PAX8: variants seen among roughly 807,000 people sequenced by gnomAD.
PAX8 encodes paired box 8, also known as paired box protein Pax-8.
A neutral mutation model predicts 52.4 loss-of-function variants in PAX8; 15 were observed. The ratio of observed to expected loss-of-function variants is 0.29; its 90% CI spans 0.19 to 0.44. The LOEUF (loss-of-function observed/expected upper bound fraction) is 0.44. Among genes scored for constraint, PAX8 ranks in the 20% least tolerant of loss-of-function variants. PAX8 has a pLI of 1.00. For missense variants in PAX8, 554 were observed against 602.5 expected (o/e 0.92, Z 0.84); for synonymous variants, 284 against 249.7 (o/e 1.14, Z -1.29).
intron 2 of PAX8, among the ~76,000 whole-genome samples, chr2:113,256,163 A>G (rs1558738938): frequency 6.6e-6 from 1 of 152,222 alleles, no homozygotes; most frequent in Non-Finnish European, 1.5e-5. Flanking sequence ...ATTTCAACAA[A>G]GGGGCTTTAA....
chr2:113,254,963 T>C (rs946255753), intron 2 of PAX8, among the ~76,000 whole-genome samples: 4 of 151,382 alleles, frequency 2.6e-5, no homozygotes, highest in African/African-American at 9.7e-5. Flanking sequence ...AGCCAGGACA[T>C]AGTCTCAGTA....
rs1291920787 is a variant in PAX8, at chr2:113,242,683, C to T, written c.478+7G>A. ...ATGTGTGTGTATCCAGGTCTCTCAG[C>T]ACTCACTCAGCGTGTGTCCGGGACT... On this transcript the variant is annotated splice_region_variant and intron_variant, in intron 5 of 11. Coordinates refer to ENST00000429538, the MANE Select transcript of PAX8 (RefSeq NM_003466.4). The T allele has an allele frequency of 1.9e-6, 3 of 1,602,850 alleles. No homozygotes were observed. The highest frequency in any genetic ancestry group is 1.7e-5 in the Admixed American group (1 of 59,990).
chr2:113,227,010 A>T, intron 10 of PAX8, 145 bp downstream of exon 10: 1 of 1,530,450 alleles, frequency 6.5e-7, no homozygotes, highest in Non-Finnish European at 8.8e-7. Context: ...AGGCATTTAC[A>T]AGGAGATGCC....
chr2:113,226,901 C>G, intron 10 of PAX8: 2 of 1,385,238 alleles, frequency 1.4e-6, no homozygotes, highest in Non-Finnish European at 1.9e-6. Context: ...CAGCCCCTCC[C>G]TTTTCATCAT....
Position 113,227,164 on chromosome 2 carries a change from T to C in PAX8, c.1180A>G (p.Met394Val). 2 of 1,599,102 alleles carry C rather than the reference T, an allele frequency of 1.3e-6. No individual in the cohort carries two copies. The highest frequency in any genetic ancestry group is 1.1e-5 in the South Asian group (1 of 88,490). ...CCGGCCCTCTCCTTACCTGCCACCA[T>C]GCCTGCGATGGCAGAGGAGGCATAG... ...GSYASSAIAG[M>V]VAGSEYSGNA... Residue 394 changes from methionine (M) to valine (V), a missense_variant, in exon 10 of 12, where the codon ATG (methionine) becomes GTG (valine). Physicochemically the swap from Met to Val is conservative, Grantham distance 21. Coordinates refer to ENST00000429538, the MANE Select transcript of PAX8 (RefSeq NM_003466.4).
At chr2:113,221,700 A>G (rs1419615942) in intron 10 of PAX8, among the ~76,000 whole-genome samples, 1 of 152,236 alleles carries the variant, frequency 6.6e-6, no homozygotes. Flanking sequence ...GGCTTAAATC[A>G]GTCATCCAAC....
chr2:113,218,427 G>A lies in PAX8; in HGVS notation c.*106C>T. 1.6e-6 allele frequency: 1 copy of A among 616,458 alleles called. No individual in the cohort carries two copies. The highest frequency in any genetic ancestry group is 2.8e-6 in the Non-Finnish European group (1 of 358,134). 38.2% of individuals were successfully genotyped at this position (616,458 alleles called of 1,614,324 possible). A position where few individuals can be genotyped will look rare whatever the true frequency, so the allele number is the denominator to read the frequency against. ...GAGTGTGCCGCAATGCTGGACTTGT[G>A]GTTATTTTTCATGTAATAAATAAAG... is the stretch of plus-strand genomic sequence containing the variant. On this transcript the variant is annotated 3_prime_UTR_variant, in exon 12 of 12. Coordinates refer to ENST00000429538, the MANE Select transcript of PAX8 (RefSeq NM_003466.4).
intron 2 of PAX8, among the ~76,000 whole-genome samples, chr2:113,257,050 G>T (rs922556399): frequency 2.0e-5 from 3 of 152,080 alleles, no homozygotes; most frequent in Admixed American, 6.5e-5. Context: ...CCTCTTGGAG[G>T]TTATGGTTTT....
At chr2:113,224,583 G>T (rs1429520281) in intron 10 of PAX8, among the ~76,000 whole-genome samples, 1 of 149,792 alleles carries the variant, frequency 6.7e-6, no homozygotes, top group Non-Finnish European at 1.5e-5. Context: ...TGGATGGAAA[G>T]ATGGAAGGAT....
chr2:113,260,388 G>A (rs988396748), intron 2 of PAX8, among the ~76,000 whole-genome samples: 1 of 151,984 alleles, frequency 6.6e-6, no homozygotes, highest in Non-Finnish European at 1.5e-5. Flanking sequence ...TGTTGGGGAT[G>A]GGGATGGATA....
At chr2:113,248,590 A>T (rs946066452) in intron 2 of PAX8, among the ~76,000 whole-genome samples, 3 of 152,174 alleles carry the variant, frequency 2.0e-5, no homozygotes, top group Admixed American at 2.0e-4. Context: ...CTGACTTAGC[A>T]CATTCAGAAC....
intron 9 of PAX8, among the ~76,000 whole-genome samples, chr2:113,232,518 C>G (rs1431834436): frequency 6.6e-6 from 1 of 152,212 alleles, no homozygotes; most frequent in African/African-American, 2.4e-5. Context: ...GCATATTTGG[C>G]TGCCTGCTTC....
chr2:113,220,513 C>G, intron 10 of PAX8: 1 of 232,114 alleles, frequency 4.3e-6, no homozygotes, highest in South Asian at 6.8e-5. Flanking sequence ...TGCGGAAGCT[C>G]CCAGAGCTGG....
At chr2:113,247,512 A>G (rs926308891) in intron 2 of PAX8, among the ~76,000 whole-genome samples, 2 of 148,170 alleles carry the variant, frequency 1.3e-5, no homozygotes, top group African/African-American at 2.4e-5. Flanking sequence ...ATGACCCCCA[A>G]GGTTCCTTCT....
At position 113,278,441 on chromosome 2, in the gene PAX8, C is replaced by T. The variant is rs201107196; in HGVS notation, c.-47G>A. The T allele has an allele frequency of 2.1e-5, 33 of 1,608,452 alleles. No individual in the cohort carries two copies. The highest frequency in any genetic ancestry group is 2.0e-4 in the Admixed American group (12 of 59,918). ...CCGCCGAGGGCTCGGGGCTTCCTCC[C>T]GTAGGTCCGGGCCGCGCCTGCCGCT... On this transcript the variant is annotated 5_prime_UTR_variant, in exon 2 of 12. Transcript: ENST00000429538.
At chr2:113,278,295 T>G in intron 2 of PAX8, 75 bp downstream of exon 2, 1 of 1,225,180 alleles carries the variant, frequency 8.2e-7, no homozygotes, top group East Asian at 2.4e-5. Context: ...GCTCTCGAGA[T>G]CCAACCACCC....
At chr2:113,264,109 C>G (rs1692887484) in intron 2 of PAX8, among the ~76,000 whole-genome samples, 1 of 152,216 alleles carries the variant, frequency 6.6e-6, no homozygotes, top group African/African-American at 2.4e-5. Context: ...CACAGATGCT[C>G]TCACCCTAAA....
chr2:113,252,860 C>A lies in PAX8; in HGVS notation c.26-5941G>T, dbSNP rs755282705. Among the ~76,000 whole-genome samples, 44 of 152,322 alleles carry A rather than the reference C, an allele frequency of 2.9e-4. 1 individual carries two copies. Among genetic ancestry groups the A allele is most frequent in the Admixed American group, 2.0e-3 (30 of 15,304 alleles). ...AATGGAATTAAATTAATCTATGTTG[C>A]CTCTCCACCCCCTGACCTCAAAATA... On this transcript the variant is annotated intron_variant, in intron 2 of 11. Transcript: ENST00000429538.
chr2:113,265,279 G>A (rs11691437), intron 2 of PAX8, among the ~76,000 whole-genome samples: 32,925 of 152,180 alleles, frequency 0.22, 3,686 homozygotes, highest in Non-Finnish European at 0.24. Flanking sequence ...AACAACAGAA[G>A]CGTGAGGCCA....
Sources: gnomAD v4.1 joint callset for allele counts (sites outside exome capture counted in the v4.1 genomes callset) on GRCh38, gnomAD v4.1.1 for gene constraint, MANE v1.5 for transcripts, NCBI Gene and HGNC (gene_info 2026-07-23, HGNC 2026-07-21) for gene names.